Variants in RHOG observed in about 807,000 individuals in gnomAD.
The protein encoded by RHOG is ras homolog family member G, also known as rho-related GTP-binding protein RhoG.
A neutral mutation model predicts 12.3 loss-of-function variants in RHOG; 1 was observed. The observed-to-expected ratio is 0.08, with a 90% CI of 0.03 to 0.39. The LOEUF (loss-of-function observed/expected upper bound fraction) is 0.39. Ranked by LOEUF, RHOG falls within the 10% of genes least tolerant of loss-of-function variation. RHOG has a pLI of 0.99. For synonymous variants in RHOG, 129 were observed against 116.0 expected, an observed-to-expected ratio of 1.11 and a Z score of -0.72; for missense variants, 114 against 266.2, an observed-to-expected ratio of 0.43 and a Z score of 3.98.
Position 3,827,396 on chromosome 11 carries a change from T to A in RHOG, c.*167A>T. On this transcript the variant is annotated 3_prime_UTR_variant, in exon 2 of 2. Transcript: ENST00000351018. The surrounding 1 kb of genome is among the most constrained non-coding windows in gnomAD (Gnocchi z 7.3). Reference sequence around the variant, plus strand: ...GGGCAGAGCCCAAAGCCCCTTTCTCTGCAGGCCTCCTTAAGGAGAAAAAGG... The same window carrying A: ...GGGCAGAGCCCAAAGCCCCTTTCTCAGCAGGCCTCCTTAAGGAGAAAAAGG... The A allele has an allele frequency of 1.6e-6, 1 of 616,758 alleles. No individual in the cohort carries two copies. The highest frequency in any genetic ancestry group is 2.0e-5 in the South Asian group (1 of 50,544). 38.2% of individuals were successfully genotyped at this position (616,758 alleles called of 1,614,324 possible).
chr11:3,840,601 C>G (rs946772773), intron 1 of RHOG: 3 of 151,738 alleles, frequency 2.0e-5, no homozygotes, highest in African/African-American at 7.3e-5. Flanking sequence ...AGCTCTTCCA[C>G]TTCAGAGACA....
chr11:3,829,872 G>T (rs184490448), intron 1 of RHOG, among the ~76,000 whole-genome samples: 1 of 152,098 alleles, frequency 6.6e-6, no homozygotes, highest in African/African-American at 2.4e-5. Context: ...TCACCCTCCC[G>T]AGTGGCTGGG....
Position 3,827,535 on chromosome 11 carries a change from G to A in RHOG, c.*28C>T, listed in dbSNP as rs1278361808. 6.4e-7 allele frequency: 1 copy of A among 1,570,786 alleles called. No homozygotes were observed. Among genetic ancestry groups the A allele is most frequent in the Non-Finnish European group, 8.7e-7 (1 of 1,155,766 alleles). ...AGGCACAACTGGTGGGGGGAGGGCAGGGGCAGCCTCCAAGCCAAGTGCCAG... is the reference window on the plus strand; with the variant it reads ...AGGCACAACTGGTGGGGGGAGGGCAAGGGCAGCCTCCAAGCCAAGTGCCAG... On this transcript the variant is annotated 3_prime_UTR_variant, in exon 2 of 2. Coordinates refer to ENST00000351018, the MANE Select transcript of RHOG (RefSeq NM_001665.4). This position sits in a 1 kb window ranked among gnomAD's most constrained non-coding sequence, Gnocchi z 7.3.
rs539134798 is a variant in RHOG, at chr11:3,839,734, A to C, written c.-69+1160T>G. ...TCTAGAACTCACTAAGTCTTCAACA[A>C]CTGATTCCAAAGCTGGAGATAAGTG... is the stretch of plus-strand genomic sequence containing the variant. On this transcript the variant is annotated intron_variant, in intron 1 of 1. Transcript: ENST00000351018. Among the ~76,000 whole-genome samples the C allele has an allele frequency of 1.5e-4, 23 of 152,294 alleles. No homozygotes were observed. In the South Asian group the frequency reaches 2.3e-3, roughly 15 times the overall value.
intron 1 of RHOG, among the ~76,000 whole-genome samples, chr11:3,835,987 G>C (rs75581078): frequency 0.077 from 11,639 of 151,430 alleles, 1,325 homozygotes; most frequent in African/African-American, 0.25. Flanking sequence ...GCCAAGGGCT[G>C]AGTCTCTTTC....
At chr11:3,834,427 T>G (rs2135138412) in intron 1 of RHOG, among the ~76,000 whole-genome samples, 2 of 152,240 alleles carry the variant, frequency 1.3e-5, no homozygotes, top group Non-Finnish European at 2.9e-5. Flanking sequence ...CCCTCATCAC[T>G]GAGATATGGA....
At chr11:3,828,798 T>G (rs557577318) in intron 1 of RHOG, among the ~76,000 whole-genome samples, 33 of 151,876 alleles carry the variant, frequency 2.2e-4, no homozygotes, top group Admixed American at 2.0e-3. Flanking sequence ...TTTTTTGTAT[T>G]TTTAGTAGAG....
rs754433658 is a variant in RHOG at position 3,827,662 on chromosome 11, G to A, written c.477C>T (p.Ala159=). 6 of 1,613,886 alleles carry A rather than the reference G, an allele frequency of 3.7e-6. No individual in the cohort carries two copies. In the South Asian group the frequency reaches 5.5e-5, roughly 15 times the overall value. The change falls in exon 2 of 2, where the codon GCC becomes GCT. Residue 159 remains alanine (A), a synonymous_variant. Transcript: ENST00000351018. The surrounding 1 kb of genome is among the most constrained non-coding windows in gnomAD (Gnocchi z 7.3). ...IHAVRYLECS[A]LQQDGVKEVF... is the part of the protein sequence containing the mutation. ...CTTCCTTGACACCATCCTGTTGCAG[G>A]GCTGAGCATTCGAGGTAGCGCACAG... is the stretch of plus-strand genomic sequence containing the variant.
At chr11:3,833,489 T>TGGTC (rs942568985) in intron 1 of RHOG, among the ~76,000 whole-genome samples, 1 of 152,202 alleles carries the variant, frequency 6.6e-6, no homozygotes, top group Admixed American at 6.5e-5. Context: ...AGATCATGCC[T>TGGTC]GGTCCCTCAT....
chr11:3,833,483 C>T (rs535158099), intron 1 of RHOG, among the ~76,000 whole-genome samples: 2 of 152,286 alleles, frequency 1.3e-5, no homozygotes, highest in East Asian at 3.9e-4. Context: ...CAATTCAGAT[C>T]ATGCCTGGTC....
intron 1 of RHOG, chr11:3,837,834 G>A (rs1348934465): frequency 6.6e-6 from 1 of 152,174 alleles, no homozygotes; most frequent in African/African-American, 2.4e-5. Flanking sequence ...AAGTTCCCAG[G>A]CTCTCATGCC....
intron 1 of RHOG, among the ~76,000 whole-genome samples, chr11:3,833,576 C>T (rs1440845118): frequency 1.3e-5 from 2 of 152,164 alleles, no homozygotes; most frequent in Non-Finnish European, 2.9e-5. Flanking sequence ...CCTAGTTCTG[C>T]CTCTTACCAG....
intron 1 of RHOG, among the ~76,000 whole-genome samples, chr11:3,840,067 T>TAAG (rs1243429527): frequency 6.6e-6 from 1 of 152,120 alleles, no homozygotes; most frequent in African/African-American, 2.4e-5. Context: ...ATTCAGGGAC[T>TAAG]AAGAATGAAG....
At chr11:3,834,732 C>T (rs1022363916) in intron 1 of RHOG, among the ~76,000 whole-genome samples, 1 of 152,122 alleles carries the variant, frequency 6.6e-6, no homozygotes, top group African/African-American at 2.4e-5. Flanking sequence ...GCCTGATTGC[C>T]AGATCTCTGT....
At chr11:3,828,228 C>T (rs2090099334) in intron 1 of RHOG, 22 bp from the exon 2 acceptor site, 1 of 1,242,374 alleles carries the variant, frequency 8.0e-7, no homozygotes, top group Non-Finnish European at 1.1e-6. Flanking sequence ...TGAAAGGGGA[C>T]ATTCTTGGTT....
At chr11:3,836,697 GAGACC>G (rs1430395583) in intron 1 of RHOG, among the ~76,000 whole-genome samples, 2 of 151,544 alleles carry the variant, frequency 1.3e-5, no homozygotes, top group African/African-American at 4.9e-5. Flanking sequence ...TCAGGAATTC[GAGACC>G]AGCCTGGCCA....
At position 3,827,599 on chromosome 11, in the gene RHOG, C is replaced by T. The variant is rs143539061; in HGVS notation, c.540G>A (p.Thr180=). ...TGCAGGACCGCCCACGCTTGATCGG[C>T]GTGGGGTTGAGCACAGCCCGGACAG... The part of the protein sequence containing the change: ...AEAVRAVLNP[T]PIKRGRSCIL... Residue 180 remains threonine (T), a synonymous_variant, in exon 2 of 2, where the codon ACG becomes ACA. Transcript: ENST00000351018. The surrounding 1 kb of genome is among the most constrained non-coding windows in gnomAD (Gnocchi z 7.3). 101 of 1,610,868 alleles carry T rather than the reference C, an allele frequency of 6.3e-5. No individual in the cohort carries two copies. The highest frequency in any genetic ancestry group is 3.3e-4 in the Middle Eastern group (2 of 6,062).
At position 3,829,248 on chromosome 11, in the gene RHOG, A is replaced by ATT. The variant is rs141026499; in HGVS notation, c.-68-1043_-68-1042insAA. ...ATCCAGGGTATTCTGGCAATGGGGAAATTTTTTTTTTTTTTTTTTTTTGAG... is the reference window on the plus strand; with the variant it reads ...ATCCAGGGTATTCTGGCAATGGGGAATTATTTTTTTTTTTTTTTTTTTTTGAG... On this transcript the variant is annotated intron_variant, in intron 1 of 1. Coordinates refer to ENST00000351018, the MANE Select transcript of RHOG (RefSeq NM_001665.4). Among the ~76,000 whole-genome samples, 3 of 95,286 alleles carry ATT rather than the reference A, an allele frequency of 3.1e-5. 1 individual carries two copies. The highest frequency in any genetic ancestry group is 8.2e-5 in the African/African-American group (2 of 24,426). 62.5% of individuals were successfully genotyped at this position (95,286 alleles called of 152,430 possible). A position where few individuals can be genotyped will look rare whatever the true frequency, so the allele number is the denominator to read the frequency against.
intron 1 of RHOG, among the ~76,000 whole-genome samples, chr11:3,839,602 A>AACACACACACAAACACAC (rs1554948262): frequency 1.4e-5 from 2 of 141,698 alleles, no homozygotes; most frequent in African/African-American, 5.2e-5. Context: ...CACACACGCA[A>AACACACACACAAACACAC]ACACACACAC....
Sources: allele counts gnomAD v4.1 joint callset (sites outside exome capture counted in the v4.1 genomes callset), GRCh38; gene constraint gnomAD v4.1.1; non-coding constraint Gnocchi (gnomAD v3.1); transcripts MANE v1.5; gene names NCBI Gene and HGNC (gene_info 2026-07-23, HGNC 2026-07-21).